The following NDUFS4 variants were observed in gnomAD, a reference collection of about 807,000 sequenced individuals.
The protein encoded by NDUFS4 is NADH dehydrogenase [ubiquinone] iron-sulfur protein 4, mitochondrial.
In NDUFS4, 28 loss-of-function variants were observed where a neutral mutation model predicts 24.3. The ratio of observed to expected loss-of-function variants is 1.15; its 90% CI spans 0.85 to 1.58. NDUFS4 has a LOEUF of 1.58. Among genes scored for constraint, NDUFS4 ranks in the 40% most tolerant of loss-of-function variants. The probability of loss-of-function intolerance (pLI) is 0.00; values close to 1 mark genes in which losing one functional copy is unlikely to be tolerated. For missense variants in NDUFS4, 223 were observed against 207.9 expected, an observed-to-expected ratio of 1.07 and a Z score of -0.45; for synonymous variants, 93 against 69.7, an observed-to-expected ratio of 1.34 and a Z score of -1.67.
rs111895759 is a variant in NDUFS4, at chr5:53,674,953, A to G, written c.425-8165A>G. 2.0e-3 allele frequency among the ~76,000 whole-genome samples: 297 copies of G among 152,206 alleles called. 1 individual carries two copies. Among genetic ancestry groups the G allele is most frequent in the African/African-American group, 6.3e-3 (263 of 41,556 alleles). ...TAGTCTTGTTTGTCAAGATTTACCT[A>G]CACGATATGAACTTGAAGTCTCAAA... is the stretch of plus-strand genomic sequence containing the variant. On this transcript the variant is annotated intron_variant, in intron 4 of 4. Coordinates refer to ENST00000296684, the MANE Select transcript of NDUFS4 (RefSeq NM_002495.4).
chr5:53,680,623 C>T (rs530174449), intron 4 of NDUFS4, among the ~76,000 whole-genome samples: 26 of 151,820 alleles, frequency 1.7e-4, no homozygotes, highest in Non-Finnish European at 3.2e-4. Flanking sequence ...CATGTTCTCA[C>T]TCATAGGTGG....
At chr5:53,582,278 CATTTAAGAAAGATGA>C (rs1188169433) in intron 1 of NDUFS4, among the ~76,000 whole-genome samples, 1 of 150,862 alleles carries the variant, frequency 6.6e-6, no homozygotes, top group African/African-American at 2.4e-5. Flanking sequence ...GCTATATACA[CATTTAAGAAAGATGA>C]ATAAAAACAA....
intron 4 of NDUFS4, among the ~76,000 whole-genome samples, chr5:53,671,127 A>C (rs1244748351): frequency 6.6e-6 from 1 of 152,066 alleles, no homozygotes; most frequent in Non-Finnish European, 1.5e-5. Flanking sequence ...CTATAAGTAC[A>C]CAAGTTCCCC....
At chr5:53,580,087 AT>A (rs1749512392) in intron 1 of NDUFS4, among the ~76,000 whole-genome samples, 2 of 152,314 alleles carry the variant, frequency 1.3e-5, no homozygotes, top group Non-Finnish European at 2.9e-5. Flanking sequence ...TTTCGTAGTA[AT>A]TTGTTACTGC....
At chr5:53,604,146 A>G (rs1255304020) in intron 2 of NDUFS4, among the ~76,000 whole-genome samples, 1 of 152,228 alleles carries the variant, frequency 6.6e-6, no homozygotes, top group Non-Finnish European at 1.5e-5. Context: ...ATGCAACTTT[A>G]TATTTATGCT....
intron 2 of NDUFS4, among the ~76,000 whole-genome samples, chr5:53,640,577 G>A (rs2112500543): frequency 6.6e-6 from 1 of 152,148 alleles, no homozygotes; most frequent in African/African-American, 2.4e-5. Flanking sequence ...AAGAGAGAGA[G>A]AATGTGTCAG....
intron 4 of NDUFS4, among the ~76,000 whole-genome samples, chr5:53,678,269 T>A (rs1327382727): frequency 6.6e-6 from 1 of 152,174 alleles, no homozygotes; most frequent in Non-Finnish European, 1.5e-5. Context: ...TTTCCAAAGG[T>A]ACTTCTCTGA....
chr5:53,597,323 C>T (rs933045315), intron 1 of NDUFS4, among the ~76,000 whole-genome samples: 1 of 152,106 alleles, frequency 6.6e-6, no homozygotes, highest in Non-Finnish European at 1.5e-5. Context: ...ACACACATAA[C>T]CTCAGTTTAA....
intron 1 of NDUFS4, among the ~76,000 whole-genome samples, chr5:53,600,600 C>T (rs1196857495): frequency 6.6e-6 from 1 of 152,210 alleles, no homozygotes; most frequent in Non-Finnish European, 1.5e-5. Context: ...TGAGCCACTG[C>T]GCCCAGCCCG....
intron 1 of NDUFS4, among the ~76,000 whole-genome samples, chr5:53,567,562 AT>A (rs1172080373): frequency 4.0e-5 from 6 of 149,620 alleles, no homozygotes; most frequent in South Asian, 4.2e-4. Flanking sequence ...TATACTGGAC[AT>A]TTTTTTTTTC....
intron 2 of NDUFS4, among the ~76,000 whole-genome samples, chr5:53,605,829 A>T (rs572895359): frequency 1.3e-5 from 2 of 152,062 alleles, no homozygotes; most frequent in Non-Finnish European, 2.9e-5. Flanking sequence ...CCTGGCTAAC[A>T]TGGTGAAACC....
intron 1 of NDUFS4, among the ~76,000 whole-genome samples, chr5:53,602,132 T>G (rs1481115595): frequency 6.6e-6 from 1 of 152,230 alleles, no homozygotes; most frequent in Non-Finnish European, 1.5e-5. Context: ...ATGAGTTCAC[T>G]TATCATTACC....
chr5:53,587,055 C>T (rs962479510), intron 1 of NDUFS4, among the ~76,000 whole-genome samples: 1 of 151,878 alleles, frequency 6.6e-6, no homozygotes, highest in Non-Finnish European at 1.5e-5. Context: ...AACTTCTTAC[C>T]TCAAGTGATC....
At chr5:53,623,572 T>C (rs1013243817) in intron 2 of NDUFS4, among the ~76,000 whole-genome samples, 7 of 152,218 alleles carry the variant, frequency 4.6e-5, no homozygotes, top group African/African-American at 1.7e-4. Flanking sequence ...ACGTCTGATT[T>C]ATCTGTATTT....
intron 1 of NDUFS4, among the ~76,000 whole-genome samples, chr5:53,580,344 C>G (rs927922878): frequency 3.9e-5 from 6 of 152,154 alleles, no homozygotes; most frequent in Admixed American, 6.5e-5. Flanking sequence ...ACTAAAGAAA[C>G]GGTAGTTTGT....
rs10064883 is a variant in NDUFS4 at position 53,608,120 on chromosome 5, G to A, written c.177+4590G>A. On this transcript the variant is annotated intron_variant, in intron 2 of 4. Coordinates refer to ENST00000296684, the MANE Select transcript of NDUFS4 (RefSeq NM_002495.4). ...ACAATAAAGTGAGTCATGAAATTTTGTTTTGGCTTCCCAGTGCATATAAAA... is the reference window on the plus strand; with the variant it reads ...ACAATAAAGTGAGTCATGAAATTTTATTTTGGCTTCCCAGTGCATATAAAA... Among the ~76,000 whole-genome samples, 350 of 152,256 alleles carry A rather than the reference G, an allele frequency of 2.3e-3. 2 individuals are homozygous for A. The highest frequency in any genetic ancestry group is 8.1e-3 in the African/African-American group (338 of 41,546).
chr5:53,596,505 TTC>T (rs547226444), intron 1 of NDUFS4, among the ~76,000 whole-genome samples: 1 of 152,154 alleles, frequency 6.6e-6, no homozygotes, highest in South Asian at 2.1e-4. Context: ...TAACAGTTGG[TTC>T]TCTCTTTTTT....
chr5:53,584,170 G>T (rs1322534998), intron 1 of NDUFS4, among the ~76,000 whole-genome samples: 1 of 152,116 alleles, frequency 6.6e-6, no homozygotes, highest in East Asian at 1.9e-4. Context: ...TATTGGCATT[G>T]CGATTATTGT....
intron 4 of NDUFS4, among the ~76,000 whole-genome samples, chr5:53,681,446 T>C (rs1456394826): frequency 6.6e-6 from 1 of 152,186 alleles, no homozygotes; most frequent in African/African-American, 2.4e-5. Context: ...ACAAGACATG[T>C]ACTTTAATCC....
Sources: gnomAD v4.1 joint callset for allele counts (sites outside exome capture counted in the v4.1 genomes callset) on GRCh38, gnomAD v4.1.1 for gene constraint, MANE v1.5 for transcripts, NCBI Gene and HGNC (gene_info 2026-07-23, HGNC 2026-07-21) for gene names.